DRD3: variants seen among roughly 807,000 people sequenced by gnomAD.
DRD3 encodes dopamine receptor D3.
DRD3 carries 19 observed loss-of-function variants against 36.3 expected under a neutral mutation model. The ratio of observed to expected loss-of-function variants is 0.52; its 90% confidence interval spans 0.36 to 0.77. The LOEUF (loss-of-function observed/expected upper bound fraction) is 0.77. Ranked by LOEUF, DRD3 falls within the 30% of genes least tolerant of loss-of-function variation. DRD3 has a pLI of 0.00. For synonymous variants in DRD3, 195 were observed against 203.7 expected, an observed-to-expected ratio of 0.96 and a Z score of 0.36; for missense variants, 465 against 505.3, an observed-to-expected ratio of 0.92 and a Z score of 0.77.
chr3:114,131,917 T>C (rs1278068398), intron 5 of DRD3, among the ~76,000 whole-genome samples: 1 of 152,136 alleles, frequency 6.6e-6, no homozygotes, highest in Non-Finnish European at 1.5e-5. Context: ...AAACAACAGA[T>C]GTTGGTGAGG....
chr3:114,142,065 A>G (rs968682087), intron 4 of DRD3, among the ~76,000 whole-genome samples: 69 of 151,452 alleles, frequency 4.6e-4, no homozygotes, highest in Non-Finnish European at 7.1e-4. Context: ...AAAAAAAAAA[A>G]AAAAAAAGAA....
At chr3:114,174,811 T>C (rs1435535382) in intron 1 of DRD3, among the ~76,000 whole-genome samples, 1 of 152,024 alleles carries the variant, frequency 6.6e-6, no homozygotes, top group Non-Finnish European at 1.5e-5. Context: ...GGCTTTCTTC[T>C]TTCTTTTCCC....
intron 1 of DRD3, among the ~76,000 whole-genome samples, 172 bp from the exon 2 acceptor site, chr3:114,172,199 A>G (rs2077852726): frequency 6.6e-6 from 1 of 152,222 alleles, no homozygotes; most frequent in Non-Finnish European, 1.5e-5. Flanking sequence ...TAAAATCTTA[A>G]TTCCTTCCCT....
chr3:114,144,895 C>G (rs1329303846), intron 4 of DRD3, among the ~76,000 whole-genome samples: 2 of 152,110 alleles, frequency 1.3e-5, no homozygotes, highest in Non-Finnish European at 2.9e-5. Flanking sequence ...ACTTAAAAAT[C>G]CTTTTGGAAA....
intron 1 of DRD3, among the ~76,000 whole-genome samples, chr3:114,174,023 C>A (rs1183708207): frequency 6.6e-6 from 1 of 152,078 alleles, no homozygotes; most frequent in African/African-American, 2.4e-5. Context: ...GAAAGGGTGA[C>A]AAACTTGGAA....
At chr3:114,169,926 G>GT (rs1006777405) in intron 2 of DRD3, among the ~76,000 whole-genome samples, 7 of 152,266 alleles carry the variant, frequency 4.6e-5, no homozygotes, top group Non-Finnish European at 1.0e-4. Flanking sequence ...CAAAAGCCTG[G>GT]TTTTATCTTA....
rs772355095 is a variant in DRD3, at chr3:114,131,420, G to T, written c.724-20C>A. ...GAGGGTCTGCAGGTGTGACAAGAGGGAATCTTGACATTTCTGGGGGTATTG... is the reference window on the plus strand; with the variant it reads ...GAGGGTCTGCAGGTGTGACAAGAGGTAATCTTGACATTTCTGGGGGTATTG... On this transcript the variant is annotated intron_variant, in intron 5 of 6. Coordinates refer to ENST00000383673, the MANE Select transcript of DRD3 (RefSeq NM_000796.6). 2 of 1,599,806 alleles carry T rather than the reference G, an allele frequency of 1.3e-6. No homozygotes were observed.
rs1222205660 is a variant in DRD3, at chr3:114,128,668, G to A, written c.*48C>T. ...CACAGTCTTTCTGAGTGGGCCAACA[G>A]CCTGGCAGCTAGAAATGGGTACAAA... is the stretch of plus-strand genomic sequence containing the variant. On this transcript the variant is annotated 3_prime_UTR_variant, in exon 7 of 7. Coordinates refer to ENST00000383673, the MANE Select transcript of DRD3 (RefSeq NM_000796.6). 1 of 1,514,548 alleles carries A rather than the reference G, an allele frequency of 6.6e-7. No individual in the cohort carries two copies. Among genetic ancestry groups the A allele is most frequent in the Admixed American group, 2.0e-5 (1 of 48,898 alleles). The allele number at this position is 1,514,548 out of a possible 1,614,324, so 93.8% of individuals were successfully genotyped here. A position where few individuals can be genotyped will look rare whatever the true frequency, so the allele number is the denominator to read the frequency against.
upstream of DRD3, among the ~76,000 whole-genome samples, chr3:114,181,087 G>A (rs1418168463): frequency 1.6e-4 from 25 of 152,174 alleles, no homozygotes; most frequent in Admixed American, 1.4e-3. Flanking sequence ...AACTTTCTGT[G>A]TTGAGAACAC....
intron 6 of DRD3, 147 bp from the exon 7 acceptor site, chr3:114,129,059 T>A: frequency 1.2e-6 from 1 of 831,264 alleles, no homozygotes; most frequent in South Asian, 2.0e-5. Flanking sequence ...ATAACAACCC[T>A]AGGCCGGGTG....
intron 1 of DRD3, among the ~76,000 whole-genome samples, chr3:114,197,447 A>G (rs983995090): frequency 1.3e-5 from 2 of 152,028 alleles, no homozygotes; most frequent in Non-Finnish European, 2.9e-5. Context: ...GGGCATAAGT[A>G]TTAAATTTTG....
chr3:114,159,605 C>A (rs2077713630), intron 3 of DRD3, 150 bp downstream of exon 3: 4 of 633,902 alleles, frequency 6.3e-6, no homozygotes, highest in South Asian at 2.0e-5. Flanking sequence ...TTCTCACCTG[C>A]AAACCATACT....
intron 5 of DRD3, among the ~76,000 whole-genome samples, chr3:114,137,883 A>G (rs1291832018): frequency 1.3e-5 from 2 of 150,448 alleles, no homozygotes; most frequent in Admixed American, 1.3e-4. Flanking sequence ...CTGTAGTCCC[A>G]GCTACTCGGG....
intron 4 of DRD3, among the ~76,000 whole-genome samples, chr3:114,146,903 A>T (rs1041634845): frequency 6.6e-6 from 1 of 152,084 alleles, no homozygotes; most frequent in African/African-American, 2.4e-5. Flanking sequence ...GAATTTTTAT[A>T]TTAAAAATAG....
chr3:114,196,050 A>G (rs1043911758), intron 1 of DRD3, among the ~76,000 whole-genome samples: 5 of 152,222 alleles, frequency 3.3e-5, no homozygotes, highest in African/African-American at 9.6e-5. Flanking sequence ...CCTTTGTGCA[A>G]CAAGAGCACA....
At chr3:114,178,585 C>A (rs978647536) in intron 1 of DRD3, 72 bp downstream of exon 1, 6 of 152,066 alleles carry the variant, frequency 3.9e-5, no homozygotes, top group African/African-American at 1.4e-4. Context: ...ATCCACAGAA[C>A]CCCAAGCTGA....
At chr3:114,138,432 A>G (rs528350234) in intron 5 of DRD3, among the ~76,000 whole-genome samples, 8 of 152,314 alleles carry the variant, frequency 5.3e-5, no homozygotes, top group African/African-American at 1.9e-4. Context: ...CACGTCTTAC[A>G]TGGCAGCAGA....
intron 3 of DRD3, among the ~76,000 whole-genome samples, chr3:114,156,751 C>CTTTCTTTCTTTCTT (rs2077674977): frequency 2.0e-5 from 2 of 98,930 alleles, no homozygotes; most frequent in African/African-American, 7.6e-5. Context: ...CTTTTTCTTT[C>CTTTCTTTCTTTCTT]TTTCTTTCTT....
chr3:114,131,922 G>A (rs1016297904), intron 5 of DRD3, among the ~76,000 whole-genome samples: 1 of 152,216 alleles, frequency 6.6e-6, no homozygotes, highest in Non-Finnish European at 1.5e-5. Context: ...ACAGATGTTG[G>A]TGAGGATGAG....
Sources: allele counts gnomAD v4.1 joint callset (sites outside exome capture counted in the v4.1 genomes callset), GRCh38; gene constraint gnomAD v4.1.1; transcripts MANE v1.5; gene names NCBI Gene and HGNC (gene_info 2026-07-23, HGNC 2026-07-21).